The following SLC44A5 variants were observed in gnomAD, a reference collection of about 807,000 sequenced individuals.
SLC44A5 encodes choline transporter-like protein 5.
A neutral mutation model predicts 101.8 loss-of-function variants in SLC44A5; 57 were observed. The observed-to-expected ratio is 0.56, with a 90% CI of 0.45 to 0.70. The LOEUF is 0.70. Among genes scored for constraint, SLC44A5 ranks in the 30% least tolerant of loss-of-function variants. The probability of loss-of-function intolerance (pLI) is 0.00; values close to 1 mark genes in which losing one functional copy is unlikely to be tolerated. For synonymous variants in SLC44A5, 281 were observed against 290.9 expected (o/e 0.97, Z 0.35); for missense variants, 737 against 853.1 (o/e 0.86, Z 1.70).
At chr1:75,618,895 C>T in the SLC44A5 span, among the ~76,000 whole-genome samples, 6 of 151,914 alleles carry the variant, frequency 3.9e-5, no homozygotes, top group Non-Finnish European at 8.8e-5. Flanking sequence ...CATGGTGAAA[C>T]CCCATCTCCA....
chr1:75,529,603 A>G (rs1028776748), intron 2 of SLC44A5, among the ~76,000 whole-genome samples: 6 of 152,178 alleles, frequency 3.9e-5, no homozygotes, highest in Non-Finnish European at 7.4e-5. Context: ...GCCTCTTTCT[A>G]TTGTGTAATG....
chr1:75,439,065 C>T (rs1665047259), intron 2 of SLC44A5, among the ~76,000 whole-genome samples: 1 of 152,058 alleles, frequency 6.6e-6, no homozygotes, highest in African/African-American at 2.4e-5. Flanking sequence ...AAGGTGGGGC[C>T]TAATGGGAGG....
chr1:75,478,322 G>T (rs1667573136), intron 2 of SLC44A5, among the ~76,000 whole-genome samples: 1 of 152,150 alleles, frequency 6.6e-6, no homozygotes, highest in East Asian at 1.9e-4. Context: ...AGACCATCGA[G>T]GCTAGGAAGA....
chr1:75,610,358 G>C (rs953353268), intron 1 of SLC44A5, among the ~76,000 whole-genome samples: 5 of 152,022 alleles, frequency 3.3e-5, no homozygotes, highest in African/African-American at 1.2e-4. Context: ...TTTCTAAAAA[G>C]TGCAGTTATA....
intron 1 of SLC44A5, among the ~76,000 whole-genome samples, chr1:75,562,371 G>T (rs1049743237): frequency 4.6e-5 from 7 of 151,292 alleles, no homozygotes; most frequent in Non-Finnish European, 8.9e-5. Context: ...TATTATTTTT[G>T]TAAGTGAGAA....
intron 3 of SLC44A5, among the ~76,000 whole-genome samples, chr1:75,369,162 C>T (rs886807274): frequency 2.6e-5 from 4 of 151,918 alleles, no homozygotes; most frequent in African/African-American, 9.7e-5. Flanking sequence ...TACTGGTGCA[C>T]ACCACTACAC....
chr1:75,253,453 T>C (rs1448555040), intron 6 of SLC44A5, among the ~76,000 whole-genome samples: 1 of 152,178 alleles, frequency 6.6e-6, no homozygotes, highest in African/African-American at 2.4e-5. Context: ...AATAAACCCA[T>C]TCTATGTTTG....
intron 4 of SLC44A5, among the ~76,000 whole-genome samples, chr1:75,309,090 T>C (rs1473334124): frequency 6.6e-6 from 1 of 152,212 alleles, no homozygotes; most frequent in African/African-American, 2.4e-5. Flanking sequence ...TTGAAAACAC[T>C]GCACTGTTTA....
At chr1:75,620,918 TCCTGAATGGTACTG>T in the SLC44A5 span, among the ~76,000 whole-genome samples, 1 of 152,202 alleles carries the variant, frequency 6.6e-6, no homozygotes, top group Non-Finnish European at 1.5e-5. Flanking sequence ...CATGCCTATG[TCCTGAATGGTACTG>T]CCTACATTTT....
the SLC44A5 span, among the ~76,000 whole-genome samples, chr1:75,626,011 G>T: frequency 6.6e-6 from 1 of 152,262 alleles, no homozygotes; most frequent in African/African-American, 2.4e-5. Context: ...GAAGTATGTT[G>T]TGGGGAAGAA....
the SLC44A5 span, among the ~76,000 whole-genome samples, chr1:75,642,885 G>A: frequency 1.3e-5 from 2 of 152,138 alleles, no homozygotes; most frequent in Non-Finnish European, 1.5e-5. Context: ...AGAAAAAATT[G>A]TAAACAAATA....
At chr1:75,610,136 T>TAC (rs144198306) in intron 1 of SLC44A5, among the ~76,000 whole-genome samples, 17,916 of 144,134 alleles carry the variant, frequency 0.12, 1,497 homozygotes, top group African/African-American at 0.25. Context: ...AGTCAAGAAA[T>TAC]ACACACACAC....
At chr1:75,409,878 T>C (rs1189042948) in intron 2 of SLC44A5, among the ~76,000 whole-genome samples, 1 of 152,126 alleles carries the variant, frequency 6.6e-6, no homozygotes, top group Non-Finnish European at 1.5e-5. Context: ...TTCTCTTGAT[T>C]GTCTAGTAGC....
At chr1:75,245,036 G>T (rs1292618699) in intron 7 of SLC44A5, among the ~76,000 whole-genome samples, 1 of 152,098 alleles carries the variant, frequency 6.6e-6, no homozygotes, top group East Asian at 1.9e-4. Flanking sequence ...TGTACCTGCT[G>T]TACACAAAGG....
intron 2 of SLC44A5, among the ~76,000 whole-genome samples, chr1:75,425,496 G>A (rs1487868215): frequency 6.6e-6 from 1 of 152,170 alleles, no homozygotes; most frequent in Non-Finnish European, 1.5e-5. Flanking sequence ...GCAATCAAGG[G>A]ACCACAGCCT....
chr1:75,259,563 C>G (rs1192023500), intron 6 of SLC44A5, among the ~76,000 whole-genome samples: 1 of 152,042 alleles, frequency 6.6e-6, no homozygotes, highest in African/African-American at 2.4e-5. Flanking sequence ...ATTGGTGTAC[C>G]TGAAAGTGAC....
chr1:75,709,985 T>G, the SLC44A5 span: 34 of 152,118 alleles, frequency 2.2e-4, no homozygotes, highest in African/African-American at 8.0e-4. Context: ...GGTAAATAAG[T>G]AAGCCAAAAA....
intron 2 of SLC44A5, among the ~76,000 whole-genome samples, chr1:75,518,112 TG>T (rs770131857): frequency 1.2e-4 from 18 of 152,268 alleles, no homozygotes; most frequent in Non-Finnish European, 2.5e-4. Context: ...TAAGTTCATT[TG>T]CTTCCACATG....
chr1:75,668,527 T>A, the SLC44A5 span, among the ~76,000 whole-genome samples: 2 of 150,900 alleles, frequency 1.3e-5, no homozygotes, highest in East Asian at 3.9e-4. Context: ...TTCCCCAGGC[T>A]GGTCAGCTGG....
Sources: allele counts gnomAD v4.1 joint callset (sites outside exome capture counted in the v4.1 genomes callset), GRCh38; gene constraint gnomAD v4.1.1; transcripts MANE v1.5; gene names NCBI Gene and HGNC (gene_info 2026-07-23, HGNC 2026-07-21).